TUT4: variants seen among roughly 807,000 people sequenced by gnomAD.
The protein encoded by TUT4 is terminal uridylyl transferase 4.
Under a neutral mutation model 192.2 loss-of-function variants are expected in TUT4, and 36 were observed. The ratio of observed to expected loss-of-function variants is 0.19; its 90% CI spans 0.14 to 0.25. TUT4 has a LOEUF of 0.25. TUT4 is among the 10% of genes least tolerant of loss of function. The probability of loss-of-function intolerance (pLI) is 1.00; values close to 1 mark genes in which losing one functional copy is unlikely to be tolerated. For synonymous variants in TUT4, 618 were observed against 666.0 expected (o/e 0.93, Z 1.11); for missense variants, 1,493 against 1,957.2 (o/e 0.76, Z 4.47).
At chr1:52,494,401 G>C (rs1205888411) in intron 6 of TUT4, among the ~76,000 whole-genome samples, 2 of 152,032 alleles carry the variant, frequency 1.3e-5, no homozygotes, top group Non-Finnish European at 2.9e-5. Context: ...TGCTATTTAA[G>C]AATATTTAGG....
chr1:52,446,024 A>G lies in TUT4; in HGVS notation c.3692-20T>C. ...AAGGGTCTACAAAAGAAATATATCA[A>G]TGATTAAGAATTACATTCACTGTAC... is the stretch of plus-strand genomic sequence containing the variant. On this transcript the variant is annotated intron_variant, in intron 22 of 29. Coordinates refer to ENST00000257177, the MANE Select transcript of TUT4 (RefSeq NM_001009881.3). 2 of 1,589,304 alleles carry G rather than the reference A, an allele frequency of 1.3e-6. No individual in the cohort carries two copies. Among genetic ancestry groups the G allele is most frequent in the Middle Eastern group, 1.8e-4 (1 of 5,622 alleles).
At chr1:52,460,381 C>T (rs1662223668) in intron 19 of TUT4, among the ~76,000 whole-genome samples, 2 of 152,052 alleles carry the variant, frequency 1.3e-5, no homozygotes, top group Non-Finnish European at 2.9e-5. Flanking sequence ...ACTTGGGAGG[C>T]TGAGGCAGGA....
chr1:52,500,178 T>C (rs925063900), intron 4 of TUT4, among the ~76,000 whole-genome samples: 6 of 151,526 alleles, frequency 4.0e-5, no homozygotes. Flanking sequence ...GTCTAATGAT[T>C]TTTGACAAGG....
chr1:52,456,411 CAAAAAAAA>C (rs1157223640), intron 20 of TUT4, among the ~76,000 whole-genome samples: 1 of 11,996 alleles, frequency 8.3e-5, no homozygotes, highest in African/African-American at 2.1e-4. Flanking sequence ...GACTGTGTCT[CAAAAAAAA>C]AAAAAAAAAA....
chr1:52,440,996 A>C (rs1339024280), intron 24 of TUT4, among the ~76,000 whole-genome samples: 1 of 152,252 alleles, frequency 6.6e-6, no homozygotes, highest in East Asian at 1.9e-4. Flanking sequence ...GCAACTGTTC[A>C]TCTATAAATG....
In TUT4 at chr1:52,466,680, A is replaced by ATTTT. The variant is rs1436025380; in HGVS notation, c.2965+1500_2965+1501insAAAA. 3.8e-3 allele frequency among the ~76,000 whole-genome samples: 493 copies of ATTTT among 131,114 alleles called. 2 individuals carry two copies. The highest frequency in any genetic ancestry group is 0.01 in the African/African-American group (321 of 31,394). 86.0% of individuals were successfully genotyped at this position (131,114 alleles called of 152,430 possible). A position where few individuals can be genotyped will look rare whatever the true frequency, so the allele number is the denominator to read the frequency against. On this transcript the variant is annotated intron_variant, in intron 15 of 29. Transcript: ENST00000257177. ...AAAAAATATATATATATATATATATATATTTTTGAGACAGAGTTTCGCTCT... is the reference window on the plus strand; with the variant it reads ...AAAAAATATATATATATATATATATATTTTTATTTTTGAGACAGAGTTTCGCTCT...
intron 29 of TUT4, 41 bp downstream of exon 29, chr1:52,425,308 A>C: frequency 6.3e-7 from 1 of 1,588,436 alleles, no homozygotes; most frequent in Non-Finnish European, 8.6e-7. Context: ...CCCAGAATAA[A>C]ACCCACCCAA....
At chr1:52,463,917 A>G (rs1032130397) in intron 16 of TUT4, 36 of 547,172 alleles carry the variant, frequency 6.6e-5, no homozygotes, top group African/African-American at 6.4e-4. Context: ...CTACAGTACT[A>G]TTAGTACTAT....
intron 20 of TUT4, among the ~76,000 whole-genome samples, chr1:52,454,330 A>AT (rs1660267905): frequency 6.6e-6 from 1 of 152,240 alleles, no homozygotes; most frequent in Non-Finnish European, 1.5e-5. Context: ...AAGAGTTATT[A>AT]TAACACTACT....
intron 24 of TUT4, among the ~76,000 whole-genome samples, chr1:52,443,072 T>C (rs1570312377): frequency 6.9e-6 from 1 of 144,928 alleles, no homozygotes. Context: ...TCACCTAAGG[T>C]CCGGAGTTCA....
At chr1:52,484,113 C>T (rs1217480040) in intron 9 of TUT4, among the ~76,000 whole-genome samples, 1 of 152,126 alleles carries the variant, frequency 6.6e-6, no homozygotes, top group East Asian at 1.9e-4. Context: ...ACTCAGGAAG[C>T]TGAGGTGGGA....
intron 1 of TUT4, among the ~76,000 whole-genome samples, chr1:52,530,805 C>T (rs1369615101): frequency 6.6e-6 from 1 of 152,006 alleles, no homozygotes; most frequent in Admixed American, 6.6e-5. Flanking sequence ...AAGTTCGAGG[C>T]CAGCCTGGGC....
intron 27 of TUT4, 76 bp from the exon 28 acceptor site, chr1:52,431,536 A>C (rs966710336): frequency 2.5e-6 from 3 of 1,177,786 alleles, no homozygotes; most frequent in Non-Finnish European, 3.4e-6. Flanking sequence ...TAAAATACAA[A>C]ATTAAAAACT....
intron 1 of TUT4, among the ~76,000 whole-genome samples, chr1:52,533,601 CTCT>C (rs1226130514): frequency 6.6e-6 from 1 of 152,156 alleles, no homozygotes; most frequent in Non-Finnish European, 1.5e-5. Context: ...CTCATGCTGA[CTCT>C]TCTTTTTAGC....
intron 4 of TUT4, among the ~76,000 whole-genome samples, chr1:52,501,906 T>C (rs946861338): frequency 3.3e-5 from 5 of 151,898 alleles, no homozygotes; most frequent in African/African-American, 1.2e-4. Flanking sequence ...GACAAGCAAA[T>C]AGAAACAGAA....
chr1:52,453,098 T>C (rs1485617587), intron 20 of TUT4, among the ~76,000 whole-genome samples: 1 of 151,970 alleles, frequency 6.6e-6, no homozygotes, highest in Non-Finnish European at 1.5e-5. Context: ...AAAAAACATT[T>C]TGGGGGCTGG....
intron 28 of TUT4, among the ~76,000 whole-genome samples, chr1:52,429,087 T>G (rs1651064374): frequency 1.4e-5 from 2 of 147,304 alleles, no homozygotes; most frequent in Admixed American, 1.3e-4. Context: ...AATAGGTTTT[T>G]TTTTTTTTTT....
In TUT4 at chr1:52,468,277, T is replaced by C. The variant is rs1406504234; in HGVS notation, c.2879-10A>G. 8 of 1,559,510 alleles carry C rather than the reference T, an allele frequency of 5.1e-6. No homozygotes were observed. Among genetic ancestry groups the C allele is most frequent in the Non-Finnish European group, 6.9e-6 (8 of 1,160,238 alleles). ...GGTGGTGATAACTCATCTGGGTTTATAAAAAGAAGAAAAAAGGAAAAAGAA... is the reference window on the plus strand; with the variant it reads ...GGTGGTGATAACTCATCTGGGTTTACAAAAAGAAGAAAAAAGGAAAAAGAA... On this transcript the variant is annotated splice_polypyrimidine_tract_variant and intron_variant, in intron 14 of 29. Coordinates refer to ENST00000257177, the MANE Select transcript of TUT4 (RefSeq NM_001009881.3).
chr1:52,525,161 G>A (rs1483849231), intron 2 of TUT4, among the ~76,000 whole-genome samples: 1 of 149,012 alleles, frequency 6.7e-6, no homozygotes, highest in Non-Finnish European at 1.5e-5. Flanking sequence ...TTGTTTGTTT[G>A]TTTTGGTTTT....
Sources: gnomAD v4.1 joint callset for allele counts (sites outside exome capture counted in the v4.1 genomes callset) on GRCh38, gnomAD v4.1.1 for gene constraint, MANE v1.5 for transcripts, NCBI Gene and HGNC (gene_info 2026-07-23, HGNC 2026-07-21) for gene names.